Variants in MYO5C observed in about 807,000 individuals in gnomAD.
The protein encoded by MYO5C is unconventional myosin-Vc.
Under a neutral mutation model 235.7 loss-of-function variants are expected in MYO5C, and 194 were observed. The observed-to-expected ratio is 0.82, with a 90% CI of 0.73 to 0.93. The LOEUF (loss-of-function observed/expected upper bound fraction) is 0.93. MYO5C is among the 40% of genes least tolerant of loss of function. The pLI is 0.00. For synonymous variants in MYO5C, 707 were observed against 754.8 expected (o/e 0.94, Z 1.04); for missense variants, 2,038 against 2,127.2 (o/e 0.96, Z 0.82).
intron 1 of MYO5C, among the ~76,000 whole-genome samples, chr15:52,292,517 G>C (rs2037414252): frequency 6.6e-6 from 1 of 152,228 alleles, no homozygotes; most frequent in African/African-American, 2.4e-5. Flanking sequence ...GATTAAATGA[G>C]AGGCGGCACA....
intron 35 of MYO5C, among the ~76,000 whole-genome samples, chr15:52,209,378 G>A (rs1192805322): frequency 3.3e-5 from 5 of 152,196 alleles, no homozygotes; most frequent in African/African-American, 1.2e-4. Context: ...ATTGCAAGGA[G>A]TGACAAAGAG....
At chr15:52,277,786 C>T (rs925059808) in intron 4 of MYO5C, 2 of 453,036 alleles carry the variant, frequency 4.4e-6, no homozygotes, top group Non-Finnish European at 8.8e-6. Context: ...TGAAGAAGCT[C>T]GGTCTAGCCC....
At chr15:52,248,594 A>G in intron 14 of MYO5C, 106 bp downstream of exon 14, 1 of 800,208 alleles carries the variant, frequency 1.2e-6, no homozygotes, top group South Asian at 1.7e-5. Flanking sequence ...GTTCACACAC[A>G]CACACACACA....
chr15:52,200,325 T>C (rs1214002586), intron 38 of MYO5C, among the ~76,000 whole-genome samples: 1 of 152,112 alleles, frequency 6.6e-6, no homozygotes, highest in East Asian at 1.9e-4. Flanking sequence ...CCCAGCACTT[T>C]GGGAGGCTGA....
intron 20 of MYO5C, 102 bp from the exon 21 acceptor site, chr15:52,239,981 G>A (rs2036176499): frequency 3.2e-6 from 4 of 1,245,434 alleles, no homozygotes; most frequent in Non-Finnish European, 4.4e-6. Context: ...TAGAAAATGA[G>A]TTTCTTCTTG....
At chr15:52,242,012 A>C (rs2036235546) in intron 20 of MYO5C, 36 bp downstream of exon 20, 1 of 1,577,228 alleles carries the variant, frequency 6.3e-7, no homozygotes, top group African/African-American at 1.3e-5. Flanking sequence ...GAAGGCCCGT[A>C]CACCCTCCCT....
intron 8 of MYO5C, among the ~76,000 whole-genome samples, chr15:52,267,832 G>T (rs2036843674): frequency 6.6e-6 from 1 of 152,102 alleles, no homozygotes; most frequent in Non-Finnish European, 1.5e-5. Flanking sequence ...GTGGGAGAGA[G>T]TAGAAGGATC....
Position 52,223,703 on chromosome 15 carries a change from C to T in MYO5C, c.3468G>A (p.Gln1156=). The T allele has an allele frequency of 6.2e-7, 1 of 1,613,940 alleles. No homozygotes were observed. Among genetic ancestry groups the T allele is most frequent in the South Asian group, 1.1e-5 (1 of 91,016 alleles). ...CCTTTTCATAGCAATCCTTCTGAGA[C>T]TGGAAATGGCTCTCCAAAACACTAT... ...KATRVLESHF[Q]SQKDCYEKEI... The change falls in exon 29 of 41, where the codon CAG becomes CAA. Residue 1156 remains glutamine, a synonymous_variant. Transcript: ENST00000261839.
At chr15:52,274,677 C>CA (rs1555420144) in intron 5 of MYO5C, among the ~76,000 whole-genome samples, 2 of 148,854 alleles carry the variant, frequency 1.3e-5, no homozygotes, top group African/African-American at 4.9e-5. Context: ...AGTACCCCCC[C>CA]CCCGACATAT....
At chr15:52,256,911 C>T (rs2036597207) in intron 10 of MYO5C, 191 bp from the exon 11 acceptor site, 4 of 533,634 alleles carry the variant, frequency 7.5e-6, no homozygotes, top group African/African-American at 1.9e-5. Flanking sequence ...CCTGGTTGTC[C>T]CCCGGAAGAA....
rs775706895 is a variant in MYO5C, at chr15:52,251,524, G to C, written c.1537-9C>G. 3 of 1,585,110 alleles carry C rather than the reference G, an allele frequency of 1.9e-6. No individual in the cohort carries two copies. The Admixed American group carries it at 5.4e-5, about 28-fold the overall frequency. ...TCAGTTCCATGTGGTAACTGGAAAA[G>C]AAAAATAAACCAAATAGCAAGTAAG... On this transcript the variant is annotated splice_polypyrimidine_tract_variant and intron_variant, in intron 12 of 40. Coordinates refer to ENST00000261839, the MANE Select transcript of MYO5C (RefSeq NM_018728.4).
At chr15:52,226,940 G>C (rs1596161726) in intron 25 of MYO5C, among the ~76,000 whole-genome samples, 1 of 152,016 alleles carries the variant, frequency 6.6e-6, no homozygotes, top group Non-Finnish European at 1.5e-5. Flanking sequence ...CTGAGGTCAG[G>C]ACTTCAGGAC....
At chr15:52,281,930 C>T (rs1301547116) in intron 2 of MYO5C, among the ~76,000 whole-genome samples, 3 of 152,180 alleles carry the variant, frequency 2.0e-5, no homozygotes, top group Non-Finnish European at 4.4e-5. Context: ...AATCCCCTGC[C>T]CAGTTCTCTA....
At chr15:52,265,695 C>A (rs183012636) in intron 8 of MYO5C, among the ~76,000 whole-genome samples, 17 of 152,146 alleles carry the variant, frequency 1.1e-4, no homozygotes, top group African/African-American at 3.6e-4. Context: ...TGCGCCACCA[C>A]GCCCAGCTAA....
chr15:52,289,739 G>A (rs958685940), intron 1 of MYO5C, among the ~76,000 whole-genome samples: 3 of 152,126 alleles, frequency 2.0e-5, no homozygotes, highest in Non-Finnish European at 4.4e-5. Flanking sequence ...CTGTGGGTGG[G>A]GCCCGGCAAG....
At chr15:52,223,965 T>TTA (rs1298562036) in intron 28 of MYO5C, among the ~76,000 whole-genome samples, 1 of 152,236 alleles carries the variant, frequency 6.6e-6, no homozygotes, top group African/African-American at 2.4e-5. Context: ...TTAGAAGTTA[T>TTA]TATATTTTTA....
At chr15:52,275,519 T>C (rs1426061031) in intron 5 of MYO5C, 43 bp downstream of exon 5, 3 of 1,610,998 alleles carry the variant, frequency 1.9e-6, no homozygotes, top group Admixed American at 3.3e-5. Context: ...CCAACCCCCA[T>C]TTCCATCACC....
chr15:52,213,366 C>T (rs3751608), intron 33 of MYO5C, 80 bp from the exon 34 acceptor site: 535,721 of 942,388 alleles, frequency 0.57, 166,230 homozygotes, highest in Non-Finnish European at 0.66. Context: ...TCTCCTACCC[C>T]ATTCTGGCTG....
chr15:52,278,790 A>AT, intron 4 of MYO5C, 83 bp downstream of exon 4: 2 of 1,532,192 alleles, frequency 1.3e-6, no homozygotes, highest in South Asian at 2.4e-5. Context: ...CCCAACCTAG[A>AT]TATCTCCCCT....
Sources: gnomAD v4.1 joint callset for allele counts (sites outside exome capture counted in the v4.1 genomes callset) on GRCh38, gnomAD v4.1.1 for gene constraint, MANE v1.5 for transcripts, NCBI Gene and HGNC (gene_info 2026-07-23, HGNC 2026-07-21) for gene names.